MCU: variants seen among roughly 807,000 people sequenced by gnomAD.
The protein encoded by MCU is calcium uniporter protein, mitochondrial.
In MCU, 12 loss-of-function variants were observed where a neutral mutation model predicts 45.2. That is an observed-to-expected ratio of 0.27 (90% CI 0.17 to 0.43). The LOEUF is 0.43. Among genes scored for constraint, MCU ranks in the 20% least tolerant of loss-of-function variants. The pLI, the probability that MCU is intolerant of heterozygous loss-of-function variation, is 1.00. For missense variants in MCU, 324 were observed against 436.7 expected, an observed-to-expected ratio of 0.74 and a Z score of 2.30; for synonymous variants, 160 against 165.1, an observed-to-expected ratio of 0.97 and a Z score of 0.24.
At chr10:72,753,933 A>G (rs1383721704) in intron 1 of MCU, among the ~76,000 whole-genome samples, 1 of 152,162 alleles carries the variant, frequency 6.6e-6, no homozygotes, top group Non-Finnish European at 1.5e-5. Context: ...ACTATGAAGT[A>G]AGTACTGTTT....
chr10:72,731,221 C>T (rs1843169239), intron 1 of MCU: 1 of 152,172 alleles, frequency 6.6e-6, no homozygotes, highest in Non-Finnish European at 1.5e-5. Flanking sequence ...AGCCACCACA[C>T]CTGGCTGCCT....
At position 72,859,160 on chromosome 10, in the gene MCU, G is replaced by A; in HGVS notation, c.221-17G>A. 1 of 1,554,406 alleles carries A rather than the reference G, an allele frequency of 6.4e-7. No homozygotes were observed. The highest frequency in any genetic ancestry group is 1.2e-5 in the South Asian group (1 of 82,736). ...TGAAATCCAATTATCATATGTTTGT[G>A]GGTCTTTTTCATTCAGATGTTACAG... On this transcript the variant is annotated splice_polypyrimidine_tract_variant and intron_variant, in intron 2 of 7. Transcript: ENST00000373053.
At chr10:72,815,063 T>C (rs1844604875) in intron 1 of MCU, among the ~76,000 whole-genome samples, 1 of 152,118 alleles carries the variant, frequency 6.6e-6, no homozygotes, top group Admixed American at 6.5e-5. Context: ...ATATAAAAAT[T>C]ATAGAGAAAA....
intron 2 of MCU, among the ~76,000 whole-genome samples, chr10:72,841,591 C>A (rs1174485067): frequency 6.6e-6 from 1 of 152,160 alleles, no homozygotes; most frequent in Non-Finnish European, 1.5e-5. Context: ...AACCACCGCG[C>A]CTGACCCCAA....
At chr10:72,764,101 C>T (rs767560174) in intron 1 of MCU, among the ~76,000 whole-genome samples, 23 of 152,160 alleles carry the variant, frequency 1.5e-4, no homozygotes, top group Non-Finnish European at 2.9e-4. Flanking sequence ...TTAGCATCCC[C>T]TTCACATTTA....
intron 5 of MCU, 38 bp from the exon 6 acceptor site, chr10:72,871,339 T>G: frequency 6.3e-7 from 1 of 1,597,514 alleles, no homozygotes; most frequent in South Asian, 1.1e-5. Flanking sequence ...TAGATTGGTT[T>G]TATGTCAAAA....
At chr10:72,871,602 C>G in intron 6 of MCU, 22 bp downstream of exon 6, 1 of 1,587,086 alleles carries the variant, frequency 6.3e-7, no homozygotes, top group Non-Finnish European at 8.7e-7. Flanking sequence ...CTTCAAGTAA[C>G]TTTTTATGAG....
chr10:72,809,434 G>C (rs11000418), intron 1 of MCU, among the ~76,000 whole-genome samples: 3 of 152,178 alleles, frequency 2.0e-5, no homozygotes, highest in Non-Finnish European at 2.9e-5. Flanking sequence ...GACTTGATGA[G>C]ACTTGGAATT....
At chr10:72,762,293 G>A (rs1233571287) in intron 1 of MCU, among the ~76,000 whole-genome samples, 1 of 152,068 alleles carries the variant, frequency 6.6e-6, no homozygotes, top group East Asian at 1.9e-4. Flanking sequence ...ATTCAAAGAA[G>A]AATTGGTACC....
chr10:72,804,201 T>G (rs1844394601), intron 1 of MCU, among the ~76,000 whole-genome samples: 1 of 150,416 alleles, frequency 6.6e-6, no homozygotes, highest in South Asian at 2.1e-4. Context: ...ATTCTCGTGC[T>G]TCAGCCTCCC....
intron 1 of MCU, among the ~76,000 whole-genome samples, chr10:72,787,808 T>A (rs1048683855): frequency 3.3e-5 from 5 of 151,896 alleles, no homozygotes; most frequent in Non-Finnish European, 5.9e-5. Flanking sequence ...AACCTCTGCC[T>A]CTCAGGTTCA....
At chr10:72,781,681 C>T (rs1331455337) in intron 1 of MCU, among the ~76,000 whole-genome samples, 1 of 152,156 alleles carries the variant, frequency 6.6e-6, no homozygotes, top group African/African-American at 2.4e-5. Context: ...GAGCTAATTC[C>T]TAGGTGAAGA....
chr10:72,717,299 G>A (rs941775596), intron 1 of MCU, among the ~76,000 whole-genome samples: 1 of 150,898 alleles, frequency 6.6e-6, no homozygotes, highest in Non-Finnish European at 1.5e-5. Context: ...TCGCTCTGTC[G>A]CGCAGGCTGG....
intron 1 of MCU, among the ~76,000 whole-genome samples, chr10:72,775,894 G>C (rs934818263): frequency 6.6e-6 from 1 of 152,196 alleles, no homozygotes; most frequent in African/African-American, 2.4e-5. Flanking sequence ...GCCAGGTGCA[G>C]TGACTCATAC....
At position 72,868,735 on chromosome 10, in the gene MCU, A is replaced by G; in HGVS notation, c.529A>G (p.Asn177Asp). Residue 177 changes from asparagine (N) to aspartate (D), a missense_variant, in exon 5 of 8, where the codon AAT becomes GAT. Transcript: ENST00000373053. ...LLSHENAATL[N>D]DVKTLVQQLY... Reference sequence around the variant, plus strand: ...AAGTCATGAAAATGCAGCAACGCTGAATGATGTAAAGACATTGGTCCAGCA... The same window carrying G: ...AAGTCATGAAAATGCAGCAACGCTGGATGATGTAAAGACATTGGTCCAGCA... 1.2e-6 allele frequency: 2 copies of G among 1,614,024 alleles called. No homozygotes were observed. The highest frequency in any genetic ancestry group is 1.7e-6 in the Non-Finnish European group (2 of 1,179,962).
chr10:72,862,127 G>A (rs1174059322), intron 4 of MCU, among the ~76,000 whole-genome samples: 1 of 151,746 alleles, frequency 6.6e-6, no homozygotes, highest in Non-Finnish European at 1.5e-5. Context: ...GACTACAGGT[G>A]CCCGCCACCA....
At chr10:72,866,072 C>T (rs556108321) in intron 4 of MCU, among the ~76,000 whole-genome samples, 7 of 150,076 alleles carry the variant, frequency 4.7e-5, no homozygotes, top group South Asian at 2.1e-4. Flanking sequence ...CCACCACGCC[C>T]GGCCTTCCCT....
intron 1 of MCU, among the ~76,000 whole-genome samples, chr10:72,739,682 A>G (rs1327718577): frequency 2.0e-5 from 3 of 152,050 alleles, no homozygotes; most frequent in Non-Finnish European, 4.4e-5. Context: ...AAGTTAGCCA[A>G]TGAAGAACAT....
chr10:72,765,943 T>C (rs1318351587), intron 1 of MCU, among the ~76,000 whole-genome samples: 2 of 152,146 alleles, frequency 1.3e-5, no homozygotes, highest in African/African-American at 4.8e-5. Context: ...CATAACTCAC[T>C]GCAGCCTTGA....
Sources: allele counts gnomAD v4.1 joint callset (sites outside exome capture counted in the v4.1 genomes callset), GRCh38; gene constraint gnomAD v4.1.1; transcripts MANE v1.5; gene names NCBI Gene and HGNC (gene_info 2026-07-23, HGNC 2026-07-21).